SLC2A9: variants seen among roughly 807,000 people sequenced by gnomAD.
The protein encoded by SLC2A9 is solute carrier family 2 member 9.
SLC2A9 carries 39 observed loss-of-function variants against 50.6 expected under a neutral mutation model. That is an observed-to-expected ratio of 0.77 (90% CI 0.60 to 1.01). The LOEUF is 1.01. Among genes scored for constraint, SLC2A9 ranks in the 50% least tolerant of loss-of-function variants. SLC2A9 has a pLI of 0.00. For synonymous variants in SLC2A9, 324 were observed against 276.9 expected (o/e 1.17, Z -1.69); for missense variants, 686 against 677.6 (o/e 1.01, Z -0.14).
chr4:10,028,387 T>A (rs1005378535), intron 1 of SLC2A9, among the ~76,000 whole-genome samples: 1 of 152,176 alleles, frequency 6.6e-6, no homozygotes, highest in African/African-American at 2.4e-5. Flanking sequence ...TCATCCTGGC[T>A]CCTCGTTTGA....
Position 9,919,678 on chromosome 4 carries a change from C to T in SLC2A9, c.1002+707G>A, listed in dbSNP as rs140276971. Among the ~76,000 whole-genome samples the T allele has an allele frequency of 1.6e-4, 24 of 152,334 alleles. No individual in the cohort carries two copies. The East Asian group carries it at 4.4e-3, about 28-fold the overall frequency. ...CAGTTTGGATGCTTTATGCAAGAAT[C>T]TCCTCTACGCTCCCCTGCCAAGTGG... On this transcript the variant is annotated intron_variant, in intron 7 of 11. Coordinates refer to ENST00000264784, the MANE Select transcript of SLC2A9 (RefSeq NM_020041.3).
At chr4:10,000,009 C>T (rs1171554177) in intron 2 of SLC2A9, among the ~76,000 whole-genome samples, 1 of 152,144 alleles carries the variant, frequency 6.6e-6, no homozygotes, top group Non-Finnish European at 1.5e-5. Flanking sequence ...ACAGAAAACT[C>T]CCAGATTTCA....
chr4:10,021,569 A>T, upstream of SLC2A9: 2 of 1,308,854 alleles, frequency 1.5e-6, no homozygotes, highest in Non-Finnish European at 2.1e-6. Context: ...TCATGCCTGA[A>T]CAGGCAACGG....
chr4:9,781,366 C>G (rs745835637), intron 3 of SLC2A9, among the ~76,000 whole-genome samples: 3 of 152,256 alleles, frequency 2.0e-5, no homozygotes, highest in Middle Eastern at 3.2e-3. Flanking sequence ...ATCCTTACCC[C>G]ACCTCTTGTT....
At chr4:9,913,783 C>T (rs1288621562) in intron 7 of SLC2A9, among the ~76,000 whole-genome samples, 1 of 152,220 alleles carries the variant, frequency 6.6e-6, no homozygotes, top group African/African-American at 2.4e-5. Context: ...CTGGGTCTAG[C>T]ATCTTAAAGC....
downstream of SLC2A9, among the ~76,000 whole-genome samples, chr4:9,778,052 CT>C (rs1717806484): frequency 9.7e-3 from 29 of 2,988 alleles, no homozygotes; most frequent in Admixed American, 0.02. Context: ...TTCTTTCTTT[CT>C]TTCCTTCCTT....
At position 9,867,715 on chromosome 4, in the gene SLC2A9, G is replaced by A. The variant is rs115963679; in HGVS notation, c.1291+19852C>T. The stretch of plus-strand genomic sequence containing the variant: ...CTACCCCCTGAGAGCTGGGGACACC[G>A]TGGATGGAGGTCTGACTGCCTGACT... On this transcript the variant is annotated intron_variant, in intron 10 of 11. Transcript: ENST00000264784. 3.9e-3 allele frequency among the ~76,000 whole-genome samples: 596 copies of A among 152,326 alleles called. 4 individuals are homozygous for A. Among genetic ancestry groups the A allele is most frequent in the African/African-American group, 0.013 (545 of 41,582 alleles).
At chr4:9,981,680 G>A (rs568232223) in intron 4 of SLC2A9, among the ~76,000 whole-genome samples, 23 of 152,192 alleles carry the variant, frequency 1.5e-4, no homozygotes, top group African/African-American at 3.1e-4. Context: ...ATGGGACTCC[G>A]TTATGGCAGA....
At chr4:10,018,554 A>AAGATAGAT (rs1763017799) in intron 2 of SLC2A9, among the ~76,000 whole-genome samples, 1 of 144,732 alleles carries the variant, frequency 6.9e-6, no homozygotes, top group African/African-American at 2.7e-5. Context: ...GATGATAGAT[A>AAGATAGAT]GATAGATAGA....
intron 3 of SLC2A9, among the ~76,000 whole-genome samples, chr4:9,992,699 T>G (rs571102000): frequency 6.6e-5 from 10 of 152,274 alleles, no homozygotes; most frequent in Middle Eastern, 3.4e-3. Context: ...GGAGACAGAT[T>G]TGGATTTTTT....
At chr4:9,777,919 C>T (rs1717779386), downstream of SLC2A9, among the ~76,000 whole-genome samples, 1 of 152,186 alleles carries the variant, frequency 6.6e-6, no homozygotes, top group Admixed American at 6.5e-5. Context: ...TCAAACATTG[C>T]TAAGTGCTTT....
chr4:9,985,778 C>G lies in SLC2A9; in HGVS notation c.426G>C (p.Leu142=). ...CAGAAATTGCAAACCCATTATTGGC[C>G]AGCAAAGTGTGCTTCCTGGAAAGAA... ...GKVLGRKHTL[L]ANNGFAISAA... Residue 142 remains leucine (L), a synonymous_variant, in exon 4 of 12, where the codon CTG becomes CTC. Transcript: ENST00000264784. 1 of 1,614,016 alleles carries G rather than the reference C, an allele frequency of 6.2e-7. No homozygotes were observed. Among genetic ancestry groups the G allele is most frequent in the South Asian group, 1.1e-5 (1 of 91,072 alleles).
At chr4:9,912,150 G>T (rs1424571051) in intron 7 of SLC2A9, among the ~76,000 whole-genome samples, 2 of 152,188 alleles carry the variant, frequency 1.3e-5, no homozygotes, top group East Asian at 3.8e-4. Flanking sequence ...TGGGGTGGGG[G>T]GAGCGGGGAG....
At chr4:9,963,294 G>T (rs1307112843) in intron 5 of SLC2A9, among the ~76,000 whole-genome samples, 1 of 152,166 alleles carries the variant, frequency 6.6e-6, no homozygotes, top group Non-Finnish European at 1.5e-5. Flanking sequence ...GACACGTGGG[G>T]ATTATTACAA....
intron 5 of SLC2A9, among the ~76,000 whole-genome samples, chr4:9,943,901 C>T (rs1249773219): frequency 6.6e-6 from 1 of 152,158 alleles, no homozygotes; most frequent in Non-Finnish European, 1.5e-5. Flanking sequence ...ACCGCACAGC[C>T]GCCAGCCCCA....
At chr4:10,019,363 A>G (rs1372543987) in intron 1 of SLC2A9, 3 of 506,232 alleles carry the variant, frequency 5.9e-6, no homozygotes, top group Non-Finnish European at 1.1e-5. Context: ...TGCTCTGGGC[A>G]GCTCCACACG....
intron 3 of SLC2A9, among the ~76,000 whole-genome samples, chr4:9,784,391 A>C (rs1404762062): frequency 4.6e-5 from 7 of 152,202 alleles, no homozygotes; most frequent in Non-Finnish European, 8.8e-5. Flanking sequence ...AATATCTTGA[A>C]TCTTTCTCCA....
intron 5 of SLC2A9, among the ~76,000 whole-genome samples, chr4:9,944,575 T>G (rs961611136): frequency 1.3e-5 from 2 of 152,112 alleles, no homozygotes; most frequent in African/African-American, 4.8e-5. Flanking sequence ...AGCCCCCGGA[T>G]TGGGATGCCA....
At chr4:9,808,434 T>C (rs527837978) in intron 3 of SLC2A9, among the ~76,000 whole-genome samples, 1 of 152,280 alleles carries the variant, frequency 6.6e-6, no homozygotes, top group African/African-American at 2.4e-5. Flanking sequence ...TTAGGGGCCA[T>C]TGGGTGGTGA....
Sources: allele counts gnomAD v4.1 joint callset (sites outside exome capture counted in the v4.1 genomes callset), GRCh38; gene constraint gnomAD v4.1.1; transcripts MANE v1.5; gene names NCBI Gene and HGNC (gene_info 2026-07-23, HGNC 2026-07-21).